The following NDUFS4 variants were observed in gnomAD, a reference collection of about 807,000 sequenced individuals.
NDUFS4 encodes NADH:ubiquinone oxidoreductase subunit S4, also known as NADH dehydrogenase [ubiquinone] iron-sulfur protein 4, mitochondrial.
A neutral mutation model predicts 24.3 loss-of-function variants in NDUFS4; 28 were observed. The observed-to-expected ratio is 1.15, with a 90% CI of 0.85 to 1.58. The LOEUF (loss-of-function observed/expected upper bound fraction) is 1.58, where lower values mean the gene tolerates loss of function less well. Ranked by LOEUF, NDUFS4 falls within the 40% of genes most tolerant of loss-of-function variation. The pLI, the probability that NDUFS4 is intolerant of heterozygous loss-of-function variation, is 0.00. For missense variants in NDUFS4, 223 were observed against 207.9 expected (o/e 1.07, Z -0.45); for synonymous variants, 93 against 69.7 (o/e 1.34, Z -1.67).
At chr5:53,577,602 A>G (rs1302922326) in intron 1 of NDUFS4, among the ~76,000 whole-genome samples, 2 of 151,956 alleles carry the variant, frequency 1.3e-5, no homozygotes, top group Non-Finnish European at 2.9e-5. Context: ...ATCTAATTTT[A>G]GATGGTCTCT....
chr5:53,618,139 G>C (rs767694449), intron 2 of NDUFS4, among the ~76,000 whole-genome samples: 1 of 152,088 alleles, frequency 6.6e-6, no homozygotes, highest in Non-Finnish European at 1.5e-5. Flanking sequence ...GAGGGTAGTG[G>C]CGCGTGCCTG....
chr5:53,659,064 A>G (rs1274936187), intron 4 of NDUFS4, among the ~76,000 whole-genome samples: 1 of 152,084 alleles, frequency 6.6e-6, no homozygotes, highest in Non-Finnish European at 1.5e-5. Flanking sequence ...ATTTGAAAAT[A>G]TTGTCTTATT....
intron 4 of NDUFS4, among the ~76,000 whole-genome samples, chr5:53,666,058 T>C (rs1251777362): frequency 6.6e-6 from 1 of 152,240 alleles, no homozygotes; most frequent in Non-Finnish European, 1.5e-5. Context: ...AAGTTCCAAA[T>C]TTCTTAATTA....
chr5:53,645,618 C>G (rs1235492531), intron 2 of NDUFS4, among the ~76,000 whole-genome samples: 1 of 152,130 alleles, frequency 6.6e-6, no homozygotes, highest in Non-Finnish European at 1.5e-5. Context: ...ATTACTTTTG[C>G]AGAATGTGTT....
intron 2 of NDUFS4, among the ~76,000 whole-genome samples, chr5:53,605,135 C>T (rs1750458571): frequency 6.6e-6 from 1 of 152,044 alleles, no homozygotes; most frequent in Non-Finnish European, 1.5e-5. Flanking sequence ...GCAGGAGAAT[C>T]GCTTGAACCT....
chr5:53,570,872 C>T lies in NDUFS4; in HGVS notation c.98+10112C>T, dbSNP rs139330124. Among the ~76,000 whole-genome samples, 1,219 of 151,566 alleles carry T rather than the reference C, an allele frequency of 8.0e-3. 17 individuals carry two copies. The highest frequency in any genetic ancestry group is 0.027 in the African/African-American group (1,135 of 41,320). ...CTAATTTTTGTATTTTTAGTAGAGA[C>T]GGAGTTTCACCATGTTGGTCAGGCT... On this transcript the variant is annotated intron_variant, in intron 1 of 4. Coordinates refer to ENST00000296684, the MANE Select transcript of NDUFS4 (RefSeq NM_002495.4).
At chr5:53,586,496 TTTAG>T (rs111260014) in intron 1 of NDUFS4, among the ~76,000 whole-genome samples, 18,331 of 143,502 alleles carry the variant, frequency 0.13, 1,427 homozygotes, top group Admixed American at 0.26. Flanking sequence ...AAATGAATTG[TTTAG>T]TTAGTTAGTT....
chr5:53,628,372 G>T (rs998780806), intron 2 of NDUFS4, among the ~76,000 whole-genome samples: 1 of 152,148 alleles, frequency 6.6e-6, no homozygotes, highest in African/African-American at 2.4e-5. Flanking sequence ...CCAGTTTTTG[G>T]TATCAGGATG....
chr5:53,565,199 T>G (rs770572891), intron 1 of NDUFS4, among the ~76,000 whole-genome samples: 3 of 152,238 alleles, frequency 2.0e-5, no homozygotes, highest in African/African-American at 4.8e-5. Context: ...GATTGTAGAC[T>G]ACATAGTGCA....
intron 1 of NDUFS4, among the ~76,000 whole-genome samples, chr5:53,561,847 T>C (rs1054220309): frequency 2.0e-5 from 3 of 152,148 alleles, no homozygotes; most frequent in African/African-American, 7.2e-5. Flanking sequence ...GAGTGTCCCG[T>C]AGGGTCCGTG....
intron 1 of NDUFS4, among the ~76,000 whole-genome samples, chr5:53,587,511 C>T (rs192135516): frequency 6.6e-6 from 1 of 151,706 alleles, no homozygotes; most frequent in Non-Finnish European, 1.5e-5. Flanking sequence ...TAGCAACAGA[C>T]AAACACATAT....
At chr5:53,563,822 C>G (rs1365283534) in intron 1 of NDUFS4, among the ~76,000 whole-genome samples, 1 of 152,158 alleles carries the variant, frequency 6.6e-6, no homozygotes, top group East Asian at 1.9e-4. Flanking sequence ...TACATTTATC[C>G]TTACTTTCCC....
intron 2 of NDUFS4, among the ~76,000 whole-genome samples, chr5:53,642,006 A>G (rs1308208801): frequency 6.6e-6 from 1 of 152,146 alleles, no homozygotes; most frequent in Non-Finnish European, 1.5e-5. Context: ...ACTAACATGC[A>G]ATTTAGTGAA....
intron 4 of NDUFS4, among the ~76,000 whole-genome samples, chr5:53,666,391 A>G (rs1428354920): frequency 1.3e-5 from 2 of 152,192 alleles, no homozygotes; most frequent in African/African-American, 4.8e-5. Context: ...GTGCCTTTCT[A>G]TCTGACTTCT....
intron 4 of NDUFS4, among the ~76,000 whole-genome samples, chr5:53,662,185 T>C (rs1752363044): frequency 6.6e-6 from 1 of 152,234 alleles, no homozygotes; most frequent in African/African-American, 2.4e-5. Flanking sequence ...ATACCTAATT[T>C]ATTGAGAGTT....
intron 2 of NDUFS4, among the ~76,000 whole-genome samples, chr5:53,619,525 A>T (rs1750965256): frequency 6.6e-6 from 1 of 151,066 alleles, no homozygotes; most frequent in Admixed American, 6.6e-5. Context: ...ATACATCATA[A>T]ATATATCAAA....
At chr5:53,604,340 A>G (rs1267355776) in intron 2 of NDUFS4, among the ~76,000 whole-genome samples, 1 of 152,234 alleles carries the variant, frequency 6.6e-6, no homozygotes, top group African/African-American at 2.4e-5. Flanking sequence ...AATAGGTCAC[A>G]CTTAAATTTC....
At chr5:53,666,284 C>T (rs185851947) in intron 4 of NDUFS4, among the ~76,000 whole-genome samples, 1 of 152,220 alleles carries the variant, frequency 6.6e-6, no homozygotes, top group Admixed American at 6.5e-5. Context: ...ATTTAAATCC[C>T]TGGTTAGTCT....
At chr5:53,582,239 A>T (rs1749591197) in intron 1 of NDUFS4, among the ~76,000 whole-genome samples, 1 of 148,268 alleles carries the variant, frequency 6.7e-6, no homozygotes, top group South Asian at 2.1e-4. Context: ...ATAAAATAAA[A>T]TAAAATTAAA....
Sources: gnomAD v4.1 joint callset for allele counts (sites outside exome capture counted in the v4.1 genomes callset) on GRCh38, gnomAD v4.1.1 for gene constraint, MANE v1.5 for transcripts, NCBI Gene and HGNC (gene_info 2026-07-23, HGNC 2026-07-21) for gene names.